The following FUT9 variants were observed in gnomAD, a reference collection of about 807,000 sequenced individuals.
FUT9 encodes the protein fucosyltransferase 9.
In FUT9, 15 loss-of-function variants were observed where a neutral mutation model predicts 29.7. The ratio of observed to expected loss-of-function variants is 0.51; its 90% CI spans 0.34 to 0.78. The LOEUF (loss-of-function observed/expected upper bound fraction) is 0.78, where lower values mean the gene tolerates loss of function less well. Ranked by LOEUF, FUT9 falls within the 30% of genes least tolerant of loss-of-function variation. FUT9 has a pLI of 0.01. For missense variants in FUT9, 319 were observed against 425.4 expected (o/e 0.75, Z 2.20); for synonymous variants, 169 against 153.7 (o/e 1.10, Z -0.74).
chr6:96,103,474 A>G (rs1771622940), intron 1 of FUT9, among the ~76,000 whole-genome samples: 1 of 152,168 alleles, frequency 6.6e-6, no homozygotes, highest in South Asian at 2.1e-4. Flanking sequence ...GGCTTCAAAC[A>G]ACAAACATTT....
intron 1 of FUT9, among the ~76,000 whole-genome samples, chr6:96,078,431 TTTTTTTTG>T: frequency 8.4e-6 from 1 of 118,790 alleles, no homozygotes; most frequent in African/African-American, 3.0e-5. Flanking sequence ...TTTTTTTTTT[TTTTTTTTG>T]AGACGGAGCC....
chr6:96,154,967 G>A (rs4482981), intron 2 of FUT9, among the ~76,000 whole-genome samples: 138,775 of 152,142 alleles, frequency 0.91, 64,649 homozygotes, highest in Non-Finnish European at 1. Flanking sequence ...GGCACAGCAC[G>A]TGCTGAGGAG....
chr6:96,075,478 A>C (rs182652858), intron 1 of FUT9, among the ~76,000 whole-genome samples: 10 of 152,318 alleles, frequency 6.6e-5, no homozygotes, highest in African/African-American at 2.4e-4. Context: ...ACAAATATAT[A>C]TGTATATATA....
In FUT9 at chr6:96,203,734, G is replaced by A. The variant is rs763230210; in HGVS notation, c.579G>A (p.Val193=). ...PSKEKLVCWV[V]SNWNPEHARV... is the part of the protein sequence containing the mutation. ...AAGAGAAATTGGTGTGCTGGGTTGTGAGTAACTGGAACCCTGAGCATGCCA... is the reference window on the plus strand; with the variant it reads ...AAGAGAAATTGGTGTGCTGGGTTGTAAGTAACTGGAACCCTGAGCATGCCA... The change falls in exon 3 of 3, where the codon GTG becomes GTA. Residue 193 remains valine, a synonymous_variant. Transcript: ENST00000302103. 1.2e-6 allele frequency: 2 copies of A among 1,614,034 alleles called. No individual in the cohort carries two copies. The highest frequency in any genetic ancestry group is 1.6e-4 in the Middle Eastern group (1 of 6,062).
chr6:96,125,058 T>A (rs530615130), intron 2 of FUT9, among the ~76,000 whole-genome samples: 1 of 152,300 alleles, frequency 6.6e-6, no homozygotes, highest in African/African-American at 2.4e-5. Context: ...TGATGTAATC[T>A]TACATGAGTA....
rs1323029924 is a variant in FUT9, at chr6:96,206,092, T to G, written c.*1857T>G. ...GCTTCCTTTCAATTCAGCCTGAGAC[T>G]GTTTATATGCATGTGCTACTCCGAA... On this transcript the variant is annotated 3_prime_UTR_variant, in exon 3 of 3. Transcript: ENST00000302103. The G allele has an allele frequency of 6.0e-5, 10 of 167,134 alleles. No homozygotes were observed. Among genetic ancestry groups the G allele is most frequent in the Non-Finnish European group, 1.5e-4 (10 of 68,102 alleles). 10.4% of individuals were successfully genotyped at this position (167,134 alleles called of 1,614,324 possible).
intron 1 of FUT9, among the ~76,000 whole-genome samples, chr6:96,053,450 T>C (rs1403210025): frequency 6.6e-6 from 1 of 152,194 alleles, no homozygotes; most frequent in Non-Finnish European, 1.5e-5. Flanking sequence ...GGCTCATGCC[T>C]GTAATCCCAG....
At chr6:96,032,227 G>GAAAA in intron 1 of FUT9, among the ~76,000 whole-genome samples, 2 of 151,562 alleles carry the variant, frequency 1.3e-5, no homozygotes, top group Non-Finnish European at 3.0e-5. Context: ...TACTTATTTT[G>GAAAA]TTACTGATTT....
At position 96,056,485 on chromosome 6, in the gene FUT9, G is replaced by A. The variant is rs1770770121; in HGVS notation, c.-98+40273G>A. ...TGCTCATGATCAATAAAACATGCAG[G>A]AAGTTACAAGACCTTTTTCCATGAC... On this transcript the variant is annotated intron_variant, in intron 1 of 2. Coordinates refer to ENST00000302103, the MANE Select transcript of FUT9 (RefSeq NM_006581.4). Among the ~76,000 whole-genome samples, 3 of 152,178 alleles carry A rather than the reference G, an allele frequency of 2.0e-5. 1 individual carries two copies. In the South Asian group the frequency reaches 6.2e-4, roughly 32 times the overall value.
At chr6:96,098,477 C>A (rs1346440769) in intron 1 of FUT9, among the ~76,000 whole-genome samples, 1 of 152,180 alleles carries the variant, frequency 6.6e-6, no homozygotes, top group Non-Finnish European at 1.5e-5. Flanking sequence ...TTCTATCATT[C>A]TATTGCCCTA....
At chr6:96,152,753 TGCCA>T (rs1318421261) in intron 2 of FUT9, among the ~76,000 whole-genome samples, 1 of 152,192 alleles carries the variant, frequency 6.6e-6, no homozygotes, top group Non-Finnish European at 1.5e-5. Flanking sequence ...ACGAATATTC[TGCCA>T]AGTACAAATA....
chr6:96,030,912 G>T (rs1242642317), intron 1 of FUT9, among the ~76,000 whole-genome samples: 1 of 151,514 alleles, frequency 6.6e-6, no homozygotes. Flanking sequence ...CATATCAGTG[G>T]TTTCGAAGGG....
chr6:96,033,613 T>C (rs898672945), intron 1 of FUT9, among the ~76,000 whole-genome samples: 2 of 151,748 alleles, frequency 1.3e-5, no homozygotes, highest in African/African-American at 4.8e-5. Flanking sequence ...CTGAGGCACA[T>C]AAAAATTTTA....
intron 2 of FUT9, among the ~76,000 whole-genome samples, chr6:96,172,428 T>C (rs1378315298): frequency 6.6e-6 from 1 of 152,212 alleles, no homozygotes; most frequent in East Asian, 1.9e-4. Flanking sequence ...GTAATGATTC[T>C]ACATGGGTCT....
In FUT9 at chr6:96,207,758, G is replaced by T. The variant is rs1482101473; in HGVS notation, c.*3523G>T. ...TTAAAATGTTTTATTTCAAAATATC[G>T]AAAAGCTATTACCTTCAATACTCTA... On this transcript the variant is annotated 3_prime_UTR_variant, in exon 3 of 3. Transcript: ENST00000302103. 6.0e-6 allele frequency: 1 copy of T among 166,728 alleles called. No individual in the cohort carries two copies. Among genetic ancestry groups the T allele is most frequent in the African/African-American group, 2.4e-5 (1 of 41,348 alleles). The allele number at this position is 166,728 out of a possible 1,614,324, so 10.3% of individuals were successfully genotyped here.
At chr6:96,036,613 T>C (rs1230605564) in intron 1 of FUT9, 1 of 151,970 alleles carries the variant, frequency 6.6e-6, no homozygotes, top group Non-Finnish European at 1.5e-5. Context: ...AACTCAAATA[T>C]AACATAATGT....
chr6:96,022,051 G>A (rs2127921704), intron 1 of FUT9, among the ~76,000 whole-genome samples: 1 of 152,026 alleles, frequency 6.6e-6, no homozygotes, highest in East Asian at 1.9e-4. Context: ...CATGACATTC[G>A]TTGTGTGAAG....
intron 1 of FUT9, among the ~76,000 whole-genome samples, chr6:96,113,760 C>T (rs1029521820): frequency 6.6e-5 from 10 of 150,504 alleles, no homozygotes; most frequent in Admixed American, 2.7e-4. Flanking sequence ...AGGCTGAGGC[C>T]GGAGAATGTC....
chr6:96,129,258 C>T (rs1450443306), intron 2 of FUT9, among the ~76,000 whole-genome samples: 1 of 128,366 alleles, frequency 7.8e-6, no homozygotes, highest in Non-Finnish European at 1.6e-5. Flanking sequence ...GAATGAGACT[C>T]TGTCTCAAAA....
Sources: gnomAD v4.1 joint callset for allele counts (sites outside exome capture counted in the v4.1 genomes callset) on GRCh38, gnomAD v4.1.1 for gene constraint, MANE v1.5 for transcripts, NCBI Gene and HGNC (gene_info 2026-07-23, HGNC 2026-07-21) for gene names.